The following REC114 variants were observed in gnomAD, a reference collection of about 807,000 sequenced individuals.
The protein encoded by REC114 is REC114 meiotic recombination protein, also known as meiotic recombination protein REC114.
A neutral mutation model predicts 31.3 loss-of-function variants in REC114; 27 were observed. The observed-to-expected ratio is 0.86, with a 90% CI of 0.64 to 1.19. The LOEUF is 1.19. Ranked by LOEUF, REC114 falls within the 50% of genes most tolerant of loss-of-function variation. REC114 has a pLI of 0.00. For synonymous variants in REC114, 134 were observed against 127.7 expected (o/e 1.05, Z -0.33); for missense variants, 344 against 326.9 (o/e 1.05, Z -0.40).
chr15:73,450,626 C>T (rs1892831881), intron 1 of REC114, among the ~76,000 whole-genome samples: 1 of 152,152 alleles, frequency 6.6e-6, no homozygotes, highest in African/African-American at 2.4e-5. Context: ...AGCTCTGGAC[C>T]AAGTGAACCT....
intron 2 of REC114, among the ~76,000 whole-genome samples, chr15:73,484,402 G>A (rs1279263998): frequency 6.6e-6 from 1 of 152,118 alleles, no homozygotes; most frequent in African/African-American, 2.4e-5. Flanking sequence ...TTCTGTCCTG[G>A]AGCTGGAGCT....
intron 2 of REC114, among the ~76,000 whole-genome samples, chr15:73,497,242 G>A (rs1177701232): frequency 6.6e-6 from 1 of 152,066 alleles, no homozygotes; most frequent in Non-Finnish European, 1.5e-5. Context: ...GGTGATTCTT[G>A]CCTGCAACAG....
At chr15:73,498,383 C>T (rs1437324142) in intron 2 of REC114, among the ~76,000 whole-genome samples, 1 of 151,826 alleles carries the variant, frequency 6.6e-6, no homozygotes, top group Admixed American at 6.6e-5. Context: ...GTGTGTGTTT[C>T]CTTTTTTATG....
At chr15:73,510,903 T>C (rs1440876914) in intron 2 of REC114, among the ~76,000 whole-genome samples, 2 of 152,186 alleles carry the variant, frequency 1.3e-5, no homozygotes, top group Admixed American at 6.5e-5. Flanking sequence ...TCTAAAATTC[T>C]CTTTTTTGGT....
intron 3 of REC114, among the ~76,000 whole-genome samples, chr15:73,544,868 T>C (rs1894287218): frequency 6.6e-6 from 1 of 152,240 alleles, no homozygotes; most frequent in Non-Finnish European, 1.5e-5. Flanking sequence ...GAAAATTTCT[T>C]ACCAACCTGG....
intron 4 of REC114, among the ~76,000 whole-genome samples, chr15:73,554,416 C>CTA (rs1894433881): frequency 6.6e-6 from 1 of 152,168 alleles, no homozygotes; most frequent in Non-Finnish European, 1.5e-5. Context: ...TTTGTAGTAC[C>CTA]TATATATTTT....
At chr15:73,548,583 T>C (rs1894344061) in intron 3 of REC114, among the ~76,000 whole-genome samples, 1 of 152,162 alleles carries the variant, frequency 6.6e-6, no homozygotes, top group Admixed American at 6.5e-5. Flanking sequence ...CGAGTTGTAC[T>C]TATATACTGT....
intron 3 of REC114, among the ~76,000 whole-genome samples, chr15:73,547,986 AG>A (rs1460584967): frequency 2.0e-5 from 3 of 152,120 alleles, no homozygotes; most frequent in African/African-American, 7.3e-5. Context: ...CAAAACCTAT[AG>A]AATAGGAGAA....
At chr15:73,540,815 C>T (rs1354375114) in intron 3 of REC114, among the ~76,000 whole-genome samples, 1 of 152,148 alleles carries the variant, frequency 6.6e-6, no homozygotes, top group Non-Finnish European at 1.5e-5. Flanking sequence ...AGCTGTGCAG[C>T]CATTCTCTAT....
At chr15:73,455,336 G>C (rs1399138677) in intron 1 of REC114, among the ~76,000 whole-genome samples, 1 of 152,118 alleles carries the variant, frequency 6.6e-6, no homozygotes, top group East Asian at 1.9e-4. Flanking sequence ...AGTCATTCTA[G>C]TTGTTTTTTC....
Position 73,458,389 on chromosome 15 carries a change from G to A in REC114, c.159+15045G>A, listed in dbSNP as rs560249628. On this transcript the variant is annotated intron_variant, in intron 1 of 5. Coordinates refer to ENST00000331090, the MANE Select transcript of REC114 (RefSeq NM_001042367.2). ...GCCATTGCTTCTTCTGCCATACACC[G>A]ACACTTACTGCATTAGTTATCTTCT... Among the ~76,000 whole-genome samples, 9 of 152,074 alleles carry A rather than the reference G, an allele frequency of 5.9e-5. No homozygotes were observed. The South Asian group carries it at 1.0e-3, about 18-fold the overall frequency.
At chr15:73,543,942 CTTTTTTTTTTTT>C (rs34215297) in intron 3 of REC114, among the ~76,000 whole-genome samples, 1 of 74,098 alleles carries the variant, frequency 1.3e-5, no homozygotes, top group African/African-American at 5.2e-5. Context: ...TGTTAACTGG[CTTTTTTTTTTTT>C]TTTTTTTTTT....
chr15:73,528,648 A>G (rs999105702), intron 2 of REC114, among the ~76,000 whole-genome samples: 1 of 152,222 alleles, frequency 6.6e-6, no homozygotes, highest in East Asian at 1.9e-4. Context: ...AAAAATTCAG[A>G]ATATTTTGTG....
rs1894327927 is a variant in REC114, at chr15:73,547,600, G to T, written c.334-3338G>T. On this transcript the variant is annotated intron_variant, in intron 3 of 5. Transcript: ENST00000331090. ...TCAGGATATCTGCACCCCCATGTTT[G>T]TTGCAGCACTATTCACTATAGCCAA... Among the ~76,000 whole-genome samples, 4 of 152,256 alleles carry T rather than the reference G, an allele frequency of 2.6e-5. No homozygotes were observed. The South Asian group carries it at 8.3e-4, about 32-fold the overall frequency.
chr15:73,492,110 TA>T (rs1314765135), intron 2 of REC114, among the ~76,000 whole-genome samples: 1 of 152,150 alleles, frequency 6.6e-6, no homozygotes, highest in East Asian at 1.9e-4. Flanking sequence ...TTGGCCTCGT[TA>T]AGAAACAGAA....
At chr15:73,445,901 A>G (rs1892758131) in intron 1 of REC114, among the ~76,000 whole-genome samples, 1 of 152,246 alleles carries the variant, frequency 6.6e-6, no homozygotes, top group Admixed American at 6.5e-5. Flanking sequence ...CCAAAATGTG[A>G]TACAGAGACA....
At chr15:73,485,516 G>A (rs1893353303) in intron 2 of REC114, among the ~76,000 whole-genome samples, 1 of 152,156 alleles carries the variant, frequency 6.6e-6, no homozygotes. Context: ...AGATCATGGG[G>A]GTGGTATCTC....
chr15:73,460,602 A>G (rs1044018538), intron 1 of REC114, among the ~76,000 whole-genome samples: 16 of 152,196 alleles, frequency 1.1e-4, no homozygotes, highest in African/African-American at 3.1e-4. Flanking sequence ...GAGCATGCCT[A>G]TGAAGATACC....
At chr15:73,445,142 G>C (rs1005578815) in intron 1 of REC114, among the ~76,000 whole-genome samples, 7 of 152,182 alleles carry the variant, frequency 4.6e-5, no homozygotes, top group African/African-American at 1.7e-4. Context: ...AGGACTTTCA[G>C]AATGGTAAAT....
Sources: gnomAD v4.1 joint callset for allele counts (sites outside exome capture counted in the v4.1 genomes callset) on GRCh38, gnomAD v4.1.1 for gene constraint, MANE v1.5 for transcripts, NCBI Gene and HGNC (gene_info 2026-07-23, HGNC 2026-07-21) for gene names.